The following RCBTB2 variants were observed in gnomAD, a reference collection of about 807,000 sequenced individuals.
RCBTB2 encodes RCC1 and BTB domain-containing protein 2.
A neutral mutation model predicts 65.4 loss-of-function variants in RCBTB2; 55 were observed. The ratio of observed to expected loss-of-function variants is 0.84; its 90% CI spans 0.68 to 1.05. The LOEUF is 1.05. Among genes scored for constraint, RCBTB2 ranks in the 50% least tolerant of loss-of-function variants. The pLI is 0.00. For synonymous variants in RCBTB2, 220 were observed against 255.2 expected (o/e 0.86, Z 1.31); for missense variants, 599 against 680.1 (o/e 0.88, Z 1.33).
intron 6 of RCBTB2, among the ~76,000 whole-genome samples, chr13:48,513,852 G>GC (rs753365749): frequency 2.0e-5 from 3 of 152,102 alleles, no homozygotes; most frequent in Non-Finnish European, 4.4e-5. Context: ...TGCATAGCAA[G>GC]CCCCCCTTAT....
In RCBTB2 at chr13:48,493,285, CTCTCCA is replaced by C. The variant is rs1233129238; in HGVS notation, c.1515+2900_1515+2905del. 5.2e-3 allele frequency among the ~76,000 whole-genome samples: 614 copies of C among 117,746 alleles called. 2 individuals carry two copies. The highest frequency in any genetic ancestry group is 0.028 in the African/African-American group (584 of 20,936). The allele number at this position is 117,746 out of a possible 152,430, so 77.2% of individuals were successfully genotyped here. On this transcript the variant is annotated intron_variant, in intron 14 of 14. Transcript: ENST00000344532. ...CTCTTCTCTCTCTCACCCTCTCTCT[CTCTCCA>C]CACACACACACACACACACACACAC...
chr13:48,522,340 C>T lies in RCBTB2; in HGVS notation c.-56G>A. On this transcript the variant is annotated 5_prime_UTR_variant, in exon 3 of 15. Transcript: ENST00000344532. ...AACTTTTCTCTGGGATTGGAAAGTTCCAAATCACGGGGAAGAGCGGACATC... is the reference window on the plus strand; with the variant it reads ...AACTTTTCTCTGGGATTGGAAAGTTTCAAATCACGGGGAAGAGCGGACATC... 6.5e-7 allele frequency: 1 copy of T among 1,530,740 alleles called. No individual in the cohort carries two copies. Among genetic ancestry groups the T allele is most frequent in the Non-Finnish European group, 8.7e-7 (1 of 1,142,940 alleles). 94.8% of individuals were successfully genotyped at this position (1,530,740 alleles called of 1,614,324 possible). A position where few individuals can be genotyped will look rare whatever the true frequency, so the allele number is the denominator to read the frequency against.
At position 48,515,725 on chromosome 13, in the gene RCBTB2, A is replaced by T. The variant is rs1483561355; in HGVS notation, c.59T>A (p.Leu20Gln). The change falls in exon 5 of 15, where the codon CTG (leucine) becomes CAG (glutamine). Residue 20 changes from leucine (L) to glutamine (Q), a missense_variant. Leu to Gln is a moderately radical substitution (Grantham distance 113, BLOSUM62 -2). Coordinates refer to ENST00000344532, the MANE Select transcript of RCBTB2 (RefSeq NM_001268.4). ...GDSGKPVQAT[L>Q]SSLKMLDVGK... is the part of the protein sequence containing the mutation. ...CACATCTAACATCTTCAAAGATGAC[A>T]GAGTAGCCTGTACTGGCTGAAAAGG... is the stretch of plus-strand genomic sequence containing the variant. 1.2e-6 allele frequency: 2 copies of T among 1,609,668 alleles called. No homozygotes were observed. Among genetic ancestry groups the T allele is most frequent in the Middle Eastern group, 1.7e-4 (1 of 6,046 alleles).
At chr13:48,490,591 TTCAA>T (rs1949656540) in intron 14 of RCBTB2, among the ~76,000 whole-genome samples, 1 of 152,236 alleles carries the variant, frequency 6.6e-6, no homozygotes. Context: ...TGATTTCACT[TTCAA>T]TAATTGTTAA....
At chr13:48,493,090 T>C (rs1292126632) in intron 14 of RCBTB2, among the ~76,000 whole-genome samples, 1 of 151,964 alleles carries the variant, frequency 6.6e-6, no homozygotes, top group Non-Finnish European at 1.5e-5. Context: ...ATCTAATCCA[T>C]CCGCACATCC....
At chr13:48,531,297 T>TTCC (rs1411861487) in intron 1 of RCBTB2, among the ~76,000 whole-genome samples, 1 of 152,172 alleles carries the variant, frequency 6.6e-6, no homozygotes, top group Non-Finnish European at 1.5e-5. Flanking sequence ...AGTAAGTTAG[T>TTCC]TTCCAATTTT....
chr13:48,502,110 A>T (rs1159518414), intron 11 of RCBTB2, among the ~76,000 whole-genome samples: 1 of 152,266 alleles, frequency 6.6e-6, no homozygotes, highest in Non-Finnish European at 1.5e-5. Context: ...CCCAAGCCAC[A>T]TCACTAATTT....
intron 10 of RCBTB2, among the ~76,000 whole-genome samples, chr13:48,505,630 A>C (rs932870703): frequency 6.6e-6 from 1 of 152,246 alleles, no homozygotes. Flanking sequence ...AGTTACAAGC[A>C]AATGTGAGGA....
At chr13:48,521,522 G>A (rs1236956559) in intron 4 of RCBTB2, among the ~76,000 whole-genome samples, 1 of 152,204 alleles carries the variant, frequency 6.6e-6, no homozygotes, top group Non-Finnish European at 1.5e-5. Context: ...ATGATGAATT[G>A]AGAACATATC....
At chr13:48,535,071 A>G (rs866886187), upstream of RCBTB2, among the ~76,000 whole-genome samples, 26 of 152,190 alleles carry the variant, frequency 1.7e-4, no homozygotes, top group Admixed American at 6.5e-4. Context: ...TAATTTTTGT[A>G]TCATTAATTT....
intron 12 of RCBTB2, 109 bp downstream of exon 12, chr13:48,501,633 C>T: frequency 1.2e-6 from 1 of 853,086 alleles, no homozygotes; most frequent in Non-Finnish European, 1.8e-6. Context: ...AGAGCAAAAA[C>T]AGCCTTACAA....
intron 4 of RCBTB2, 37 bp downstream of exon 4, chr13:48,521,861 G>T: frequency 1.3e-6 from 2 of 1,591,688 alleles, no homozygotes; most frequent in Non-Finnish European, 1.7e-6. Flanking sequence ...TCATGCAACA[G>T]AACACACATG....
chr13:48,527,361 T>TATGATATATATATATATGATA, intron 1 of RCBTB2, among the ~76,000 whole-genome samples: 1 of 112,446 alleles, frequency 8.9e-6, no homozygotes, highest in African/African-American at 5.5e-5. Flanking sequence ...TGATATATAT[T>TATGATATATATATATATGATA]TATATATGAT....
intron 12 of RCBTB2, among the ~76,000 whole-genome samples, chr13:48,501,327 G>C (rs1950220948): frequency 6.6e-6 from 1 of 152,176 alleles, no homozygotes; most frequent in Admixed American, 6.5e-5. Context: ...GAAAGGCCTT[G>C]ATCTTCTCTT....
At chr13:48,509,056 C>T (rs764968989) in intron 10 of RCBTB2, among the ~76,000 whole-genome samples, 11 of 152,096 alleles carry the variant, frequency 7.2e-5, no homozygotes, top group Admixed American at 3.3e-4. Flanking sequence ...CCAGGCCAGG[C>T]GCAGTGGCTC....
rs369663278 is a variant in RCBTB2, at chr13:48,515,626, C to T, written c.158G>A (p.Ser53Asn). The change falls in exon 5 of 15, where the codon AGT becomes AAT. Residue 53 changes from serine to asparagine, a missense_variant. Transcript: ENST00000344532. ...QLIRQACVFG[S>N]AGNEVLYTTV... The stretch of plus-strand genomic sequence containing the variant: ...AGTGTATAAAACTTCATTGCCAGCA[C>T]TGCCAAAGACACAAGCCTGACGAAT... 1 of 1,612,558 alleles carries T rather than the reference C, an allele frequency of 6.2e-7. No individual in the cohort carries two copies. The highest frequency in any genetic ancestry group is 1.3e-5 in the African/African-American group (1 of 74,890).
chr13:48,501,655 T>G, intron 12 of RCBTB2, 87 bp downstream of exon 12: 1 of 1,137,678 alleles, frequency 8.8e-7, no homozygotes, highest in African/African-American at 1.5e-5. Flanking sequence ...TTTTCTTGAT[T>G]ACTGAGGTGC....
chr13:48,490,600 T>C (rs1034020871), intron 14 of RCBTB2, among the ~76,000 whole-genome samples: 2 of 152,204 alleles, frequency 1.3e-5, no homozygotes, highest in African/African-American at 2.4e-5. Flanking sequence ...TTTCAATAAT[T>C]GTTAAAAGCC....
At chr13:48,521,106 T>A (rs1225549012) in intron 4 of RCBTB2, among the ~76,000 whole-genome samples, 1 of 152,156 alleles carries the variant, frequency 6.6e-6, no homozygotes, top group Non-Finnish European at 1.5e-5. Flanking sequence ...AATTAGGAAT[T>A]TTTCTGTTAA....
Sources: allele counts gnomAD v4.1 joint callset (sites outside exome capture counted in the v4.1 genomes callset), GRCh38; gene constraint gnomAD v4.1.1; transcripts MANE v1.5; gene names NCBI Gene and HGNC (gene_info 2026-07-23, HGNC 2026-07-21).